The following CAVIN1 variants were observed in gnomAD, a reference collection of about 807,000 sequenced individuals.
CAVIN1 encodes the protein caveolae associated protein 1, also known as caveolae-associated protein 1.
Under a neutral mutation model 24.0 loss-of-function variants are expected in CAVIN1, and 16 were observed. That is an observed-to-expected ratio of 0.67 (90% confidence interval 0.45 to 1.01). The LOEUF (loss-of-function observed/expected upper bound fraction) is 1.01. Ranked by LOEUF, CAVIN1 falls within the 50% of genes least tolerant of loss-of-function variation. The pLI, the probability that CAVIN1 is intolerant of heterozygous loss-of-function variation, is 0.00. For synonymous variants in CAVIN1, 256 were observed against 256.4 expected, an observed-to-expected ratio of 1.00 and a Z score of 0.02; for missense variants, 510 against 551.7, an observed-to-expected ratio of 0.92 and a Z score of 0.76.
chr17:42,406,616 A>G (rs553084344), intron 1 of CAVIN1, among the ~76,000 whole-genome samples: 2 of 151,958 alleles, frequency 1.3e-5, no homozygotes, highest in African/African-American at 4.8e-5. Context: ...ACCTCAAATG[A>G]TCCACCCGCC....
In CAVIN1 at chr17:42,415,970, C is replaced by T. The variant is rs572308363; in HGVS notation, c.471+6657G>A. 1.7e-4 allele frequency among the ~76,000 whole-genome samples: 26 copies of T among 151,406 alleles called. No homozygotes were observed. The East Asian group carries it at 2.4e-3, about 14-fold the overall frequency. ...ATGAAAAATAAAAATAAAAAGGCCG[C>T]GTGGCTCACGCCTGTAACCCCAGCA... is the stretch of plus-strand genomic sequence containing the variant. On this transcript the variant is annotated intron_variant, in intron 1 of 1. Coordinates refer to ENST00000357037, the MANE Select transcript of CAVIN1 (RefSeq NM_012232.6).
In CAVIN1 at chr17:42,423,222, C is replaced by A; in HGVS notation, c.-125G>T. 3 of 781,778 alleles carry A rather than the reference C, an allele frequency of 3.8e-6. No homozygotes were observed. Among genetic ancestry groups the A allele is most frequent in the Non-Finnish European group, 6.0e-6 (3 of 499,160 alleles). The allele number at this position is 781,778 out of a possible 1,614,324, so 48.4% of individuals were successfully genotyped here. ...GAGCGGAGAGCAGAGGAAACTCGAG[C>A]CACGTCCGTGCGCACCGGGACAGCG... On this transcript the variant is annotated 5_prime_UTR_variant, in exon 1 of 2. Transcript: ENST00000357037.
At chr17:42,410,521 A>G (rs2085469127) in intron 1 of CAVIN1, among the ~76,000 whole-genome samples, 1 of 152,118 alleles carries the variant, frequency 6.6e-6, no homozygotes, top group African/African-American at 2.4e-5. Flanking sequence ...AGATATCACA[A>G]TGATTTGTGC....
chr17:42,423,125 C>A lies in CAVIN1; in HGVS notation c.-28G>T. ...CTACCCGGAGCCGTGCGGGACCGGC[C>A]GGGTGGGGCTGGAGCTGGAGCGGGA... On this transcript the variant is annotated 5_prime_UTR_variant, in exon 1 of 2. Coordinates refer to ENST00000357037, the MANE Select transcript of CAVIN1 (RefSeq NM_012232.6). 1.3e-6 allele frequency: 2 copies of A among 1,500,328 alleles called. No individual in the cohort carries two copies. The highest frequency in any genetic ancestry group is 1.8e-6 in the Non-Finnish European group (2 of 1,115,274). The allele number at this position is 1,500,328 out of a possible 1,614,324, so 92.9% of individuals were successfully genotyped here.
chr17:42,415,911 G>T (rs2085509038), intron 1 of CAVIN1, among the ~76,000 whole-genome samples: 1 of 151,890 alleles, frequency 6.6e-6, no homozygotes, highest in Non-Finnish European at 1.5e-5. Context: ...ACTCTTTGCT[G>T]TCTCCTCATG....
At chr17:42,415,404 T>C (rs192549670) in intron 1 of CAVIN1, among the ~76,000 whole-genome samples, 2 of 152,302 alleles carry the variant, frequency 1.3e-5, no homozygotes, top group Non-Finnish European at 1.5e-5. Context: ...TTGCAAAGTG[T>C]CTTCTAGCTC....
Position 42,422,960 on chromosome 17 carries a change from C to A in CAVIN1, c.138G>T (p.Ser46=). 6.2e-7 allele frequency: 1 copy of A among 1,613,980 alleles called. No homozygotes were observed. Among genetic ancestry groups the A allele is most frequent in the East Asian group, 2.2e-5 (1 of 44,874 alleles). Residue 46 remains serine, a synonymous_variant, in exon 1 of 2, where the codon TCG becomes TCT. Transcript: ENST00000357037. The stretch of plus-strand genomic sequence containing the variant: ...GCACCAGCACGCCGTTCACCTGGTC[C>A]GACTTGATCAGCTCTTCTGAGCCGG... The part of the protein sequence containing the change: ...SGAGSEELIK[S]DQVNGVLVLS...
chr17:42,407,473 C>T (rs1227821250), intron 1 of CAVIN1, among the ~76,000 whole-genome samples: 2 of 152,102 alleles, frequency 1.3e-5, no homozygotes, highest in African/African-American at 4.8e-5. Flanking sequence ...CAACCTCTTT[C>T]CTCTTCCCTC....
At chr17:42,405,988 C>T (rs1468493161) in intron 1 of CAVIN1, among the ~76,000 whole-genome samples, 2 of 152,178 alleles carry the variant, frequency 1.3e-5, no homozygotes, top group East Asian at 3.9e-4. Context: ...CGCCCGGCCT[C>T]GCGCCGCCAT....
In CAVIN1 at chr17:42,412,909, G is replaced by A. The variant is rs144872730; in HGVS notation, c.472-7521C>T. On this transcript the variant is annotated intron_variant, in intron 1 of 1. Coordinates refer to ENST00000357037, the MANE Select transcript of CAVIN1 (RefSeq NM_012232.6). ...TGGGATTACAGGCGGGAACCACTGCGCCTGGACTATTTTATTTATTTTTTT... is the reference window on the plus strand; with the variant it reads ...TGGGATTACAGGCGGGAACCACTGCACCTGGACTATTTTATTTATTTTTTT... Among the ~76,000 whole-genome samples, 702 of 145,922 alleles carry A rather than the reference G, an allele frequency of 4.8e-3. 4 individuals are homozygous for A. Among genetic ancestry groups the A allele is most frequent in the Middle Eastern group, 0.021 (5 of 242 alleles).
Position 42,404,722 on chromosome 17 carries a change from C to G in CAVIN1, c.1138G>C (p.Asp380His), listed in dbSNP as rs2145470814. ...HALLEITEES[D>H]AVLVDKSDSD ...TCGCTCTTGTCCACCAGCACGGCGT[C>G]CGACTCCTCGGTGATCTCCAGCAGC... Residue 380 changes from aspartate to histidine, a missense_variant, in exon 2 of 2, where the codon GAC (aspartate) becomes CAC (histidine). Coordinates refer to ENST00000357037, the MANE Select transcript of CAVIN1 (RefSeq NM_012232.6). 1.3e-6 allele frequency: 2 copies of G among 1,495,218 alleles called. No individual in the cohort carries two copies. Among genetic ancestry groups the G allele is most frequent in the Non-Finnish European group, 1.8e-6 (2 of 1,128,888 alleles). 92.6% of individuals were successfully genotyped at this position (1,495,218 alleles called of 1,614,324 possible).
rs1382729594 is a variant in CAVIN1 at position 42,422,807 on chromosome 17, G to T, written c.291C>A (p.Gly97=). Residue 97 remains glycine (G), a synonymous_variant, in exon 1 of 2, where the codon GGC becomes GGA. Coordinates refer to ENST00000357037, the MANE Select transcript of CAVIN1 (RefSeq NM_012232.6). The part of the protein sequence containing the change: ...QSIQGELSKL[G]KAHATTSNTV... Reference sequence around the variant, plus strand: ...TATTGCTCGTGGTGGCGTGCGCCTTGCCCAGCTTGCTCAGCTCGCCCTGGA... The same window carrying T: ...TATTGCTCGTGGTGGCGTGCGCCTTTCCCAGCTTGCTCAGCTCGCCCTGGA... 1 of 1,613,734 alleles carries T rather than the reference G, an allele frequency of 6.2e-7. No individual in the cohort carries two copies. Among genetic ancestry groups the T allele is most frequent in the Non-Finnish European group, 8.5e-7 (1 of 1,179,906 alleles).
At chr17:42,411,476 G>A in intron 1 of CAVIN1, 1 of 985,254 alleles carries the variant, frequency 1.0e-6, no homozygotes, top group Non-Finnish European at 1.2e-6. Flanking sequence ...CAGCTAGAAT[G>A]TCCCCCTCCT....
At chr17:42,420,530 G>A (rs2085538963) in intron 1 of CAVIN1, among the ~76,000 whole-genome samples, 2 of 152,188 alleles carry the variant, frequency 1.3e-5, no homozygotes, top group African/African-American at 4.8e-5. Context: ...GTGGGTTTGG[G>A]ACTCCATTTG....
At chr17:42,411,502 G>A in intron 1 of CAVIN1, 1 of 985,242 alleles carries the variant, frequency 1.0e-6, no homozygotes, top group Non-Finnish European at 1.2e-6. Context: ...CTGTGAGTTG[G>A]CAGCTTTTGG....
At chr17:42,411,209 A>AAAAAAAAAAAAC (rs2085475867) in intron 1 of CAVIN1, among the ~76,000 whole-genome samples, 2 of 138,880 alleles carry the variant, frequency 1.4e-5, no homozygotes, top group Admixed American at 7.3e-5. Context: ...AAAAAAAAAA[A>AAAAAAAAAAAAC]CTAAAAGGTC....
chr17:42,414,707 C>T (rs2085501186), intron 1 of CAVIN1, among the ~76,000 whole-genome samples: 1 of 152,086 alleles, frequency 6.6e-6, no homozygotes, highest in East Asian at 1.9e-4. Flanking sequence ...CTATTGGACT[C>T]AGGCAATAGC....
intron 1 of CAVIN1, among the ~76,000 whole-genome samples, chr17:42,416,446 T>C (rs2085512391): frequency 6.6e-6 from 1 of 151,592 alleles, no homozygotes; most frequent in South Asian, 2.1e-4. Flanking sequence ...AAAAATTAGC[T>C]GGGCATGGTG....
chr17:42,407,844 G>A (rs1474223275), intron 1 of CAVIN1, among the ~76,000 whole-genome samples: 1 of 152,104 alleles, frequency 6.6e-6, no homozygotes, highest in East Asian at 1.9e-4. Context: ...CTGAGTGTAG[G>A]AGAGTCTCAA....
Sources: allele counts gnomAD v4.1 joint callset (sites outside exome capture counted in the v4.1 genomes callset), GRCh38; gene constraint gnomAD v4.1.1; transcripts MANE v1.5; gene names NCBI Gene and HGNC (gene_info 2026-07-23, HGNC 2026-07-21).